The following LRRN1 variants were observed in gnomAD, a reference collection of about 807,000 sequenced individuals.
LRRN1 encodes leucine rich repeat neuronal 1.
Under a neutral mutation model 45.8 loss-of-function variants are expected in LRRN1, and 14 were observed. That is an observed-to-expected ratio of 0.31 (90% CI 0.20 to 0.48). LRRN1 has a LOEUF of 0.48. Ranked by LOEUF, LRRN1 falls within the 20% of genes least tolerant of loss-of-function variation. LRRN1 has a pLI of 0.99. For synonymous variants in LRRN1, 359 were observed against 330.1 expected, an observed-to-expected ratio of 1.09 and a Z score of -0.95; for missense variants, 789 against 874.2, an observed-to-expected ratio of 0.90 and a Z score of 1.23.
chr3:3,843,980 T>C (rs1693699968), intron 1 of LRRN1, among the ~76,000 whole-genome samples: 1 of 152,224 alleles, frequency 6.6e-6, no homozygotes. Flanking sequence ...ATCTTTGTTT[T>C]TAAAGAAAAG....
Position 3,846,337 on chromosome 3 carries a change from C to A in LRRN1, c.1696C>A (p.Pro566Thr). 2 of 1,613,766 alleles carry A rather than the reference C, an allele frequency of 1.2e-6. No homozygotes were observed. Among genetic ancestry groups the A allele is most frequent in the Middle Eastern group, 3.3e-4 (2 of 6,062 alleles). The change falls in exon 2 of 2, where the codon CCT becomes ACT. Residue 566 changes from proline (P) to threonine (T), a missense_variant. Pro to Thr is a conservative substitution (Grantham distance 38, BLOSUM62 -1). Transcript: ENST00000319331. The surrounding 1 kb of genome is among the most constrained non-coding windows in gnomAD (Gnocchi z 5.7). ...WSSATMKIDN[P>T]HITYTARVPV... ...GTCTGCCACCATGAAGATTGATAACCCTCACATAACATATACTGCCAGGGT... is the reference window on the plus strand; with the variant it reads ...GTCTGCCACCATGAAGATTGATAACACTCACATAACATATACTGCCAGGGT...
At chr3:3,828,295 G>C (rs1693275348) in intron 1 of LRRN1, among the ~76,000 whole-genome samples, 2 of 151,996 alleles carry the variant, frequency 1.3e-5, no homozygotes, top group African/African-American at 2.4e-5. Context: ...TGAAGAACCT[G>C]GGGTCTGATG....
At chr3:3,837,003 C>T (rs1476387727) in intron 1 of LRRN1, among the ~76,000 whole-genome samples, 9 of 152,278 alleles carry the variant, frequency 5.9e-5, no homozygotes, top group African/African-American at 2.2e-4. Context: ...CTGTCTCCTG[C>T]ACCCATGGGA....
intron 1 of LRRN1, among the ~76,000 whole-genome samples, chr3:3,840,498 T>C (rs1693626144): frequency 6.6e-6 from 1 of 152,222 alleles, no homozygotes; most frequent in South Asian, 2.1e-4. Flanking sequence ...GCTTAAGGAC[T>C]CTATAATAAA....
At position 3,848,358 on chromosome 3, in the gene LRRN1, G is replaced by A. The variant is rs949295479; in HGVS notation, c.*1566G>A. ...AGGTAGAAGGCCAGTTCCACAAAGGGCAGAGGGAGGGATGGGATTTAATAG... is the reference window on the plus strand; with the variant it reads ...AGGTAGAAGGCCAGTTCCACAAAGGACAGAGGGAGGGATGGGATTTAATAG... On this transcript the variant is annotated 3_prime_UTR_variant, in exon 2 of 2. Transcript: ENST00000319331. Among the ~76,000 whole-genome samples, 26 of 152,152 alleles carry A rather than the reference G, an allele frequency of 1.7e-4. No homozygotes were observed. Among genetic ancestry groups the A allele is most frequent in the Admixed American group, 1.0e-3 (16 of 15,282 alleles).
chr3:3,810,021 G>C lies in LRRN1; in HGVS notation c.-279+10102G>C, dbSNP rs577604196. ...AGTTGACATGGTTGTCACCTTTCGTGGTGGACCCCTAGAGTGCTTTATGTT... is the reference window on the plus strand; with the variant it reads ...AGTTGACATGGTTGTCACCTTTCGTCGTGGACCCCTAGAGTGCTTTATGTT... On this transcript the variant is annotated intron_variant, in intron 1 of 1. Coordinates refer to ENST00000319331, the MANE Select transcript of LRRN1 (RefSeq NM_020873.7). Among the ~76,000 whole-genome samples, 32 of 152,246 alleles carry C rather than the reference G, an allele frequency of 2.1e-4. No homozygotes were observed. In the South Asian group the frequency reaches 6.0e-3, roughly 29 times the overall value.
chr3:3,800,166 G>T (rs1692615428), intron 1 of LRRN1, among the ~76,000 whole-genome samples: 1 of 151,002 alleles, frequency 6.6e-6, no homozygotes, highest in Non-Finnish European at 1.5e-5. Context: ...AGGTGTGGGA[G>T]AGCGATAGTT....
chr3:3,822,724 T>G (rs1693129938), intron 1 of LRRN1: 1 of 152,196 alleles, frequency 6.6e-6, no homozygotes, highest in Non-Finnish European at 1.5e-5. Flanking sequence ...TGTGTGACTT[T>G]TTTTCTTACC....
chr3:3,822,014 G>T (rs1277110282), intron 1 of LRRN1, among the ~76,000 whole-genome samples: 5 of 152,160 alleles, frequency 3.3e-5, no homozygotes, highest in African/African-American at 9.7e-5. Flanking sequence ...TGCCCAGACG[G>T]ATTGGGATAG....
Position 3,844,941 on chromosome 3 carries a change from A to G in LRRN1, c.300A>G (p.Leu100=). 1 of 1,614,172 alleles carries G rather than the reference A, an allele frequency of 6.2e-7. No individual in the cohort carries two copies. Residue 100 remains leucine, a synonymous_variant, in exon 2 of 2, where the codon CTA becomes CTG. Transcript: ENST00000319331. ...ELQQLFNLTE[L]DFSQNNFTNI... is the part of the protein sequence containing the mutation. ...AGCAGCTTTTCAACTTGACTGAACTAGATTTCTCCCAAAACAACTTTACTA... is the reference window on the plus strand; with the variant it reads ...AGCAGCTTTTCAACTTGACTGAACTGGATTTCTCCCAAAACAACTTTACTA...
At chr3:3,812,807 G>T in intron 1 of LRRN1, among the ~76,000 whole-genome samples, 2 of 124,438 alleles carry the variant, frequency 1.6e-5, no homozygotes, top group Admixed American at 7.9e-5. Context: ...TCTGAATCTT[G>T]GTTGTAAAAA....
intron 1 of LRRN1, among the ~76,000 whole-genome samples, chr3:3,805,025 A>C (rs1462321727): frequency 6.6e-6 from 1 of 152,148 alleles, no homozygotes; most frequent in Non-Finnish European, 1.5e-5. Flanking sequence ...CCTCTTCAGG[A>C]GAGTGTCCAT....
At chr3:3,836,075 G>A (rs956835101) in intron 1 of LRRN1, among the ~76,000 whole-genome samples, 1 of 102,458 alleles carries the variant, frequency 9.8e-6, no homozygotes, top group Non-Finnish European at 2.1e-5. Flanking sequence ...AGCCCTAGAA[G>A]AAAGCAATTT....
rs1430197668 is a variant in LRRN1 at position 3,834,691 on chromosome 3, A to C, written c.-278-9673A>C. On this transcript the variant is annotated intron_variant, in intron 1 of 1. Transcript: ENST00000319331. ...ATAGGCTATCTGCCAGCTGAGGAGC[A>C]AGGAGAACCAGTCTGAGTCCTAAAA... Among the ~76,000 whole-genome samples, 3 of 150,902 alleles carry C rather than the reference A, an allele frequency of 2.0e-5. No individual in the cohort carries two copies. In the East Asian group the frequency reaches 5.8e-4, roughly 29 times the overall value.
chr3:3,831,100 T>G (rs1693363402), intron 1 of LRRN1, among the ~76,000 whole-genome samples: 1 of 152,194 alleles, frequency 6.6e-6, no homozygotes, highest in Non-Finnish European at 1.5e-5. Context: ...CAGGGCTTGT[T>G]GTAGAGCCTG....
At chr3:3,802,423 A>G (rs930431594) in intron 1 of LRRN1, among the ~76,000 whole-genome samples, 1 of 152,168 alleles carries the variant, frequency 6.6e-6, no homozygotes, top group African/African-American at 2.4e-5. Flanking sequence ...AGTATTCTAT[A>G]TATTCACTGA....
At chr3:3,800,837 A>C (rs879732193) in intron 1 of LRRN1, 3 of 152,534 alleles carry the variant, frequency 2.0e-5, no homozygotes, top group African/African-American at 7.2e-5. Flanking sequence ...CCAGGAACAG[A>C]GCTGGCGCTG....
Position 3,846,717 on chromosome 3 carries a change from C to G in LRRN1, c.2076C>G (p.Ser692Arg). The G allele has an allele frequency of 6.2e-7, 1 of 1,613,870 alleles. No homozygotes were observed. Among genetic ancestry groups the G allele is most frequent in the Non-Finnish European group, 8.5e-7 (1 of 1,179,992 alleles). ...PPLINLWEGDSEKDKDGSADT... is the reference protein window; with the variant it reads ...PPLINLWEGDREKDKDGSADT... ...TCATTAACCTCTGGGAAGGTGACAGCGAGAAAGACAAAGATGGTTCTGCAG... is the reference window on the plus strand; with the variant it reads ...TCATTAACCTCTGGGAAGGTGACAGGGAGAAAGACAAAGATGGTTCTGCAG... The change falls in exon 2 of 2, where the codon AGC (serine) becomes AGG (arginine). Residue 692 changes from serine to arginine, a missense_variant. By Grantham distance (110) the Ser-to-Arg change is moderately radical. Transcript: ENST00000319331. This position sits in a 1 kb window ranked among gnomAD's most constrained non-coding sequence, Gnocchi z 5.7.
chr3:3,799,815 CT>C lies in LRRN1; in HGVS notation c.-382del. ...AGGAGGCGCCGCTCAGCTAGTCCTC[CT>C]CCTCCTCCTCGTCTTTCTCCTCCTC... On this transcript the variant is annotated 5_prime_UTR_variant, in exon 1 of 2. Coordinates refer to ENST00000319331, the MANE Select transcript of LRRN1 (RefSeq NM_020873.7). 6.1e-6 allele frequency: 1 copy of C among 162,758 alleles called. No individual in the cohort carries two copies. Among genetic ancestry groups the C allele is most frequent in the Non-Finnish European group, 1.3e-5 (1 of 74,640 alleles). 10.1% of individuals were successfully genotyped at this position (162,758 alleles called of 1,614,324 possible).
Sources: allele counts gnomAD v4.1 joint callset (sites outside exome capture counted in the v4.1 genomes callset), GRCh38; gene constraint gnomAD v4.1.1; non-coding constraint Gnocchi (gnomAD v3.1); transcripts MANE v1.5; gene names NCBI Gene and HGNC (gene_info 2026-07-23, HGNC 2026-07-21).